Variants in SAMD3 observed in about 807,000 individuals in gnomAD.
SAMD3 encodes the protein sterile alpha motif domain containing 3, also known as sterile alpha motif domain-containing protein 3.
Under a neutral mutation model 58.5 loss-of-function variants are expected in SAMD3, and 63 were observed. The observed-to-expected ratio is 1.08, with a 90% CI of 0.88 to 1.33. SAMD3 has a LOEUF of 1.33. SAMD3 is among the 40% of genes most tolerant of loss of function. SAMD3 has a pLI of 0.00. For missense variants in SAMD3, 604 were observed against 608.4 expected, an observed-to-expected ratio of 0.99 and a Z score of 0.08; for synonymous variants, 220 against 210.3, an observed-to-expected ratio of 1.05 and a Z score of -0.40.
intron 2 of SAMD3, among the ~76,000 whole-genome samples, chr6:130,261,299 G>C (rs1446288437): frequency 6.6e-5 from 8 of 121,942 alleles, no homozygotes; most frequent in Admixed American, 1.7e-4. Flanking sequence ...AGCGTGGCCT[G>C]ATCACCCACG....
At chr6:130,151,984 A>G (rs1257711684) in intron 9 of SAMD3, among the ~76,000 whole-genome samples, 3 of 152,200 alleles carry the variant, frequency 2.0e-5, no homozygotes, top group African/African-American at 7.2e-5. Context: ...ATTTTAGATA[A>G]TCTAATAAAG....
At chr6:130,346,657 G>A (rs1199779925) in intron 1 of SAMD3, among the ~76,000 whole-genome samples, 1 of 152,194 alleles carries the variant, frequency 6.6e-6, no homozygotes, top group African/African-American at 2.4e-5. Context: ...CTGGGGGCCG[G>A]GCATAGCCAA....
In SAMD3 at chr6:130,184,107, C is replaced by T. The variant is rs144159261; in HGVS notation, c.650G>A (p.Gly217Asp). The change falls in exon 7 of 12, where the codon GGC becomes GAC. Residue 217 changes from glycine to aspartate, a missense_variant. Transcript: ENST00000439090. ...AHPFLDEDGC[G>D]FFLWKRALKD... Reference sequence around the variant, plus strand: ...TGGTGCCATGTGGTCACTTACGAAGCCACAGCCATCCTCATCCAGGAAAGG... The same window carrying T: ...TGGTGCCATGTGGTCACTTACGAAGTCACAGCCATCCTCATCCAGGAAAGG... The T allele has an allele frequency of 1.4e-5, 22 of 1,613,296 alleles. No homozygotes were observed. The highest frequency in any genetic ancestry group is 1.8e-5 in the Non-Finnish European group (21 of 1,179,498).
At chr6:130,202,803 T>A (rs570429737) in intron 5 of SAMD3, among the ~76,000 whole-genome samples, 20 of 152,288 alleles carry the variant, frequency 1.3e-4, no homozygotes, top group Admixed American at 5.2e-4. Flanking sequence ...ATGCAAGTGG[T>A]ACAAAATGAT....
chr6:130,224,020 G>A (rs1796312561), upstream of SAMD3, among the ~76,000 whole-genome samples: 1 of 152,100 alleles, frequency 6.6e-6, no homozygotes, highest in African/African-American at 2.4e-5. Context: ...ATTGACTGGT[G>A]GAAGTAGCTC....
chr6:130,250,446 C>A (rs1773700770), intron 2 of SAMD3, among the ~76,000 whole-genome samples: 1 of 152,130 alleles, frequency 6.6e-6, no homozygotes, highest in Non-Finnish European at 1.5e-5. Context: ...TTTCACATAA[C>A]ATGAAATTTA....
intron 1 of SAMD3, among the ~76,000 whole-genome samples, chr6:130,359,911 T>C (rs1157159070): frequency 6.6e-6 from 1 of 152,210 alleles, no homozygotes; most frequent in East Asian, 1.9e-4. Flanking sequence ...ATGAGTCATG[T>C]TTTATGAGTG....
chr6:130,191,370 A>G (rs565400227), intron 5 of SAMD3, among the ~76,000 whole-genome samples: 2 of 152,344 alleles, frequency 1.3e-5, no homozygotes, highest in East Asian at 3.9e-4. Flanking sequence ...GGGGCTCCCC[A>G]GGAAGAGGAA....
intron 8 of SAMD3, among the ~76,000 whole-genome samples, chr6:130,171,870 G>C (rs1791282078): frequency 6.6e-6 from 1 of 152,056 alleles, no homozygotes; most frequent in South Asian, 2.1e-4. Flanking sequence ...TCCAAGAACT[G>C]GTTTTATGAA....
At chr6:130,264,506 A>C (rs1463700196) in intron 2 of SAMD3, among the ~76,000 whole-genome samples, 1 of 152,206 alleles carries the variant, frequency 6.6e-6, no homozygotes, top group Non-Finnish European at 1.5e-5. Flanking sequence ...CTTGTGCTTT[A>C]GTCCATGTGG....
exon 1 of SAMD3, chr6:130,365,168 G>T (rs1473502478): frequency 1.0e-6 from 1 of 985,274 alleles, no homozygotes; most frequent in Non-Finnish European, 1.2e-6. Flanking sequence ...CCGAATTAGA[G>T]ACGACATATT....
intron 5 of SAMD3, among the ~76,000 whole-genome samples, chr6:130,202,440 T>C (rs1794723379): frequency 6.6e-6 from 1 of 152,202 alleles, no homozygotes; most frequent in Non-Finnish European, 1.5e-5. Context: ...CTCTGCAAAG[T>C]GGGAGGCTTG....
At chr6:130,327,067 C>A (rs992859462) in intron 1 of SAMD3, among the ~76,000 whole-genome samples, 1 of 152,002 alleles carries the variant, frequency 6.6e-6, no homozygotes, top group Non-Finnish European at 1.5e-5. Context: ...ATGTTTCTTC[C>A]CAGTATGTAC....
chr6:130,296,690 A>G (rs1775581624), intron 2 of SAMD3, among the ~76,000 whole-genome samples: 1 of 152,186 alleles, frequency 6.6e-6, no homozygotes, highest in Non-Finnish European at 1.5e-5. Context: ...GAGCAGTAGC[A>G]TCTAGCAATG....
intron 2 of SAMD3, among the ~76,000 whole-genome samples, chr6:130,233,087 T>C (rs1796591510): frequency 6.6e-6 from 1 of 152,090 alleles, no homozygotes; most frequent in South Asian, 2.1e-4. Context: ...CAATCTCCCA[T>C]AGGGCTTCCC....
intron 1 of SAMD3, among the ~76,000 whole-genome samples, chr6:130,314,246 G>C (rs560092613): frequency 6.6e-6 from 1 of 152,234 alleles, no homozygotes; most frequent in East Asian, 1.9e-4. Flanking sequence ...AGCCCTGATT[G>C]TTATATCTTT....
intron 2 of SAMD3, among the ~76,000 whole-genome samples, chr6:130,273,967 TAACTC>T (rs560682565): frequency 1.5e-3 from 224 of 152,346 alleles, no homozygotes; most frequent in Non-Finnish European, 2.5e-3. Context: ...TTTATATACT[TAACTC>T]TACAAGTGAA....
At chr6:130,189,310 C>T (rs1272585676) in intron 5 of SAMD3, among the ~76,000 whole-genome samples, 1 of 151,930 alleles carries the variant, frequency 6.6e-6, no homozygotes, top group Non-Finnish European at 1.5e-5. Context: ...GATCTGTATG[C>T]CATGTGAGGT....
intron 2 of SAMD3, among the ~76,000 whole-genome samples, chr6:130,308,393 C>CTATTCTATTCTATT (rs1776005645): frequency 3.4e-5 from 5 of 146,100 alleles, no homozygotes; most frequent in African/African-American, 1.3e-4. Context: ...CTATTCTATT[C>CTATTCTATTCTATT]TATTCTATTC....
Sources: allele counts gnomAD v4.1 joint callset (sites outside exome capture counted in the v4.1 genomes callset), GRCh38; gene constraint gnomAD v4.1.1; transcripts MANE v1.5; gene names NCBI Gene and HGNC (gene_info 2026-07-23, HGNC 2026-07-21).